The following DNAH11 variants were observed in gnomAD, a reference collection of about 807,000 sequenced individuals.
DNAH11 encodes the protein dynein axonemal heavy chain 11, also known as axonemal beta dynein heavy chain 11.
A neutral mutation model predicts 526.0 loss-of-function variants in DNAH11; 442 were observed. The ratio of observed to expected loss-of-function variants is 0.84; its 90% CI spans 0.78 to 0.91. The LOEUF is 0.91. Among genes scored for constraint, DNAH11 ranks in the 40% least tolerant of loss-of-function variants. The pLI is 0.00. For synonymous variants in DNAH11, 2,461 were observed against 1,935.9 expected, an observed-to-expected ratio of 1.27 and a Z score of -7.12; for missense variants, 6,989 against 5,448.7, an observed-to-expected ratio of 1.28 and a Z score of -8.90.
chr7:21,627,988 C>G (rs1786428605), intron 25 of DNAH11, among the ~76,000 whole-genome samples: 1 of 151,894 alleles, frequency 6.6e-6, no homozygotes, highest in African/African-American at 2.4e-5. Flanking sequence ...GAAACTTTCA[C>G]TTTTCATCTT....
chr7:21,821,385 G>A (rs1211603596), intron 65 of DNAH11, among the ~76,000 whole-genome samples: 2 of 152,122 alleles, frequency 1.3e-5, no homozygotes, highest in African/African-American at 4.8e-5. Flanking sequence ...CTATCATGGT[G>A]GATGTGATTA....
chr7:21,814,103 A>C (rs1391808586), intron 63 of DNAH11, among the ~76,000 whole-genome samples: 4 of 152,202 alleles, frequency 2.6e-5, no homozygotes, highest in Admixed American at 2.6e-4. Flanking sequence ...TTGTAGCACA[A>C]TGGTAAGTAT....
intron 79 of DNAH11, among the ~76,000 whole-genome samples, chr7:21,895,384 C>T (rs1784473542): frequency 6.6e-6 from 1 of 152,164 alleles, no homozygotes; most frequent in South Asian, 2.1e-4. Flanking sequence ...CTTTACTTTG[C>T]AAGCCTGAGA....
chr7:21,898,165 C>G (rs1034193047), intron 79 of DNAH11, among the ~76,000 whole-genome samples: 72 of 152,160 alleles, frequency 4.7e-4, no homozygotes, highest in African/African-American at 1.7e-3. Context: ...AGTGTTTATC[C>G]TCATGATGGC....
intron 74 of DNAH11, among the ~76,000 whole-genome samples, chr7:21,877,218 T>C (rs1197206346): frequency 6.6e-6 from 1 of 152,234 alleles, no homozygotes; most frequent in South Asian, 2.1e-4. Context: ...CAAATCTAAT[T>C]AAACCTTTTT....
chr7:21,731,488 C>G (rs1583638208), intron 45 of DNAH11, among the ~76,000 whole-genome samples: 1 of 152,170 alleles, frequency 6.6e-6, no homozygotes, highest in South Asian at 2.1e-4. Context: ...GACCTAGATA[C>G]ACCAATATCA....
chr7:21,868,147 A>C (rs1410464607), intron 72 of DNAH11, 140 bp downstream of exon 72: 1 of 798,262 alleles, frequency 1.3e-6, no homozygotes, highest in Non-Finnish European at 1.8e-6. Flanking sequence ...GGTGTATGGA[A>C]AATGTAAAGC....
intron 21 of DNAH11, 85 bp from the exon 22 acceptor site, chr7:21,616,124 G>A: frequency 1.0e-6 from 1 of 973,362 alleles, no homozygotes; most frequent in South Asian, 1.4e-5. Context: ...TAGAGTTACA[G>A]TGTATCATCA....
chr7:21,822,814 G>A (rs780462160), intron 65 of DNAH11, among the ~76,000 whole-genome samples: 3 of 151,894 alleles, frequency 2.0e-5, no homozygotes, highest in Admixed American at 6.6e-5. Context: ...GGAATGAGAC[G>A]GTACCTCATT....
chr7:21,888,647 G>A (rs761971934), intron 76 of DNAH11, among the ~76,000 whole-genome samples: 26 of 151,950 alleles, frequency 1.7e-4, no homozygotes, highest in Non-Finnish European at 3.4e-4. Flanking sequence ...GTGCCACCAC[G>A]CTGGGCTAAT....
rs933295143 is a variant in DNAH11, at chr7:21,698,142, G to A, written c.6109G>A (p.Val2037Met). Residue 2037 changes from valine (V) to methionine (M), a missense_variant, in exon 36 of 82, where the codon GTG becomes ATG. Val to Met is a conservative substitution (Grantham distance 21). Transcript: ENST00000409508. Reference sequence around the variant, plus strand: ...AATCTTGTTAGTTGCTGAAGGTTTTGTGGATGCGCGTGCATTAGCCCGAAA... The same window carrying A: ...AATCTTGTTAGTTGCTGAAGGTTTTATGGATGCGCGTGCATTAGCCCGAAA... ...CEILLVAEGF[V>M]DARALARKFI... 1 of 1,613,510 alleles carries A rather than the reference G, an allele frequency of 6.2e-7. No individual in the cohort carries two copies. The highest frequency in any genetic ancestry group is 8.5e-7 in the Non-Finnish European group (1 of 1,179,726).
chr7:21,755,006 G>A (rs1335073366), intron 54 of DNAH11, among the ~76,000 whole-genome samples: 1 of 152,154 alleles, frequency 6.6e-6, no homozygotes, highest in African/African-American at 2.4e-5. Flanking sequence ...CTTTGCATAA[G>A]TTCCAAACCA....
At chr7:21,594,476 G>A (rs376464820) in intron 14 of DNAH11, among the ~76,000 whole-genome samples, 9 of 152,250 alleles carry the variant, frequency 5.9e-5, no homozygotes, top group East Asian at 1.9e-4. Flanking sequence ...ATAGTAAGTC[G>A]TGCTGTGTTA....
At chr7:21,869,131 A>C in intron 73 of DNAH11, 140 bp downstream of exon 73, 8 of 1,241,352 alleles carry the variant, frequency 6.4e-6, no homozygotes, top group Non-Finnish European at 8.9e-6. Flanking sequence ...GTCAGTGTTC[A>C]TGATGCCTGC....
chr7:21,891,022 C>A (rs1398638781), intron 76 of DNAH11, among the ~76,000 whole-genome samples: 2 of 152,138 alleles, frequency 1.3e-5, no homozygotes, highest in Non-Finnish European at 1.5e-5. Flanking sequence ...TTCTAAGTAA[C>A]CTGGATTGCA....
At chr7:21,701,955 CAGTT>C (rs1360243379) in intron 36 of DNAH11, among the ~76,000 whole-genome samples, 5 of 152,054 alleles carry the variant, frequency 3.3e-5, no homozygotes, top group Admixed American at 3.3e-4. Flanking sequence ...CCCGTGTAAG[CAGTT>C]AGTTCGTTAG....
intron 28 of DNAH11, among the ~76,000 whole-genome samples, chr7:21,650,635 TTTA>T (rs999951884): frequency 2.0e-5 from 3 of 150,510 alleles, no homozygotes; most frequent in African/African-American, 7.3e-5. Flanking sequence ...ATTTTATTAT[TTTA>T]TTATTATTTT....
Position 21,588,559 on chromosome 7 carries a change from A to C in DNAH11, c.1896A>C (p.Ser632=). 1 of 1,613,602 alleles carries C rather than the reference A, an allele frequency of 6.2e-7. No homozygotes were observed. The highest frequency in any genetic ancestry group is 8.5e-7 in the Non-Finnish European group (1 of 1,179,532). The change falls in exon 11 of 82, where the codon TCA becomes TCC. Residue 632 remains serine, a synonymous_variant. Coordinates refer to ENST00000409508, the MANE Select transcript of DNAH11 (RefSeq NM_001277115.2). The part of the protein sequence containing the change: ...VVLNKNMPFT[S]GNMKWAQQVL... ...TTAACAAGAACATGCCATTTACCTCAGGAAATATGAAATGGGCCCAGCAGG... is the reference window on the plus strand; with the variant it reads ...TTAACAAGAACATGCCATTTACCTCCGGAAATATGAAATGGGCCCAGCAGG...
intron 66 of DNAH11, among the ~76,000 whole-genome samples, chr7:21,845,968 C>G (rs1782401675): frequency 6.6e-6 from 1 of 152,032 alleles, no homozygotes; most frequent in Non-Finnish European, 1.5e-5. Flanking sequence ...AAATCTATAC[C>G]TAAGTGTTTC....
Sources: gnomAD v4.1 joint callset for allele counts (sites outside exome capture counted in the v4.1 genomes callset) on GRCh38, gnomAD v4.1.1 for gene constraint, MANE v1.5 for transcripts, NCBI Gene and HGNC (gene_info 2026-07-23, HGNC 2026-07-21) for gene names.